Variants in TH observed in about 807,000 individuals in gnomAD.
The protein encoded by TH is tyrosine 3-monooxygenase.
A neutral mutation model predicts 57.4 loss-of-function variants in TH; 49 were observed. The observed-to-expected ratio is 0.85, with a 90% CI of 0.68 to 1.08. The LOEUF (loss-of-function observed/expected upper bound fraction) is 1.08, where lower values mean the gene tolerates loss of function less well. Ranked by LOEUF, TH falls within the 50% of genes least tolerant of loss-of-function variation. The pLI is 0.00. For missense variants in TH, 720 were observed against 696.7 expected, an observed-to-expected ratio of 1.03 and a Z score of -0.38; for synonymous variants, 330 against 304.5, an observed-to-expected ratio of 1.08 and a Z score of -0.87.
At chr11:2,168,026 G>T (rs1846149557) in intron 4 of TH, 65 bp downstream of exon 4, 13 of 1,610,512 alleles carry the variant, frequency 8.1e-6, no homozygotes, top group Non-Finnish European at 1.1e-5. Context: ...TCCTGTCCAG[G>T]GTTGGGCTAA....
Position 2,166,524 on chromosome 11 carries a change from G to T in TH, c.1003C>A (p.His335Asn). Residue 335 changes from histidine (H) to asparagine (N), a missense_variant, in exon 9 of 13, where the codon CAC becomes AAC. Transcript: ENST00000352909. ...GTGCGGTCGGCCAGCATGGGCACGT[G>T]CCCCAGCAGCTCGTGGCAGCAGTCC... ...EPDCCHELLG[H>N]VPMLADRTFA... 1 of 1,601,964 alleles carries T rather than the reference G, an allele frequency of 6.2e-7. No homozygotes were observed. The highest frequency in any genetic ancestry group is 8.5e-7 in the Non-Finnish European group (1 of 1,177,324).
At chr11:2,165,882 G>A in intron 10 of TH, 119 bp from the exon 11 acceptor site, 1 of 1,502,750 alleles carries the variant, frequency 6.7e-7, no homozygotes. Context: ...AGGCAGGCCA[G>A]GGTGAGGGTC....
intron 11 of TH, 104 bp from the exon 12 acceptor site, chr11:2,165,469 C>T: frequency 6.5e-7 from 1 of 1,537,114 alleles, no homozygotes; most frequent in Non-Finnish European, 8.9e-7. Context: ...GTAGAGTCAC[C>T]CCCATCTCCC....
chr11:2,165,512 G>C (rs1218607251), intron 11 of TH, 147 bp from the exon 12 acceptor site: 64 of 1,390,468 alleles, frequency 4.6e-5, no homozygotes, highest in Non-Finnish European at 6.3e-5. Flanking sequence ...GGATAATGTG[G>C]GGTGAGGACT....
Position 2,164,226 on chromosome 11 carries a change from C to T in TH, c.*7G>A, listed in dbSNP as rs542685890. The T allele has an allele frequency of 9.0e-6, 13 of 1,450,702 alleles. No individual in the cohort carries two copies. In the East Asian group the frequency reaches 1.8e-4, roughly 20 times the overall value. 89.9% of individuals were successfully genotyped at this position (1,450,702 alleles called of 1,614,324 possible). ...GGTTGGGAAGGGCCCTCAGGGACGC[C>T]GTGCACCTAGCCAATGGCACTCAGC... On this transcript the variant is annotated 3_prime_UTR_variant, in exon 13 of 13. Coordinates refer to ENST00000352909, the MANE Select transcript of TH (RefSeq NM_000360.4).
chr11:2,167,335 CCT>C, intron 6 of TH, 98 bp downstream of exon 6: 1 of 1,374,550 alleles, frequency 7.3e-7, no homozygotes, highest in Non-Finnish European at 1.0e-6. Context: ...CTTAGTCTCT[CCT>C]GTTGTGCCAA....
Position 2,166,983 on chromosome 11 carries a change from C to T in TH, c.745G>A (p.Gly249Arg), listed in dbSNP as rs749133549. 6.3e-7 allele frequency: 1 copy of T among 1,591,218 alleles called. No homozygotes were observed. The highest frequency in any genetic ancestry group is 1.1e-5 in the South Asian group (1 of 87,594). ...AAAGCAAAGGCCTCCAGGTGCTCCC[C>T]GCAGGCGTGCGTGGCGTAGAGGCCC... ...LKGLYATHACGEHLEAFALLE... is the reference protein window; with the variant it reads ...LKGLYATHACREHLEAFALLE... Residue 249 changes from glycine (G) to arginine (R), a missense_variant, in exon 7 of 13, where the codon GGG (glycine) becomes AGG (arginine). Physicochemically the swap from Gly to Arg is moderately radical, Grantham distance 125 (BLOSUM62 -2). Transcript: ENST00000352909.
At chr11:2,165,176 C>T (rs1846052152) in intron 12 of TH, 56 bp downstream of exon 12, 1 of 1,612,020 alleles carries the variant, frequency 6.2e-7, no homozygotes, top group East Asian at 2.2e-5. Context: ...GAAGGAAGGC[C>T]TGGCTGGCCC....
chr11:2,168,208 G>C, intron 3 of TH, 29 bp from the exon 4 acceptor site: 3 of 1,607,792 alleles, frequency 1.9e-6, no homozygotes. Context: ...AAGAGATCTT[G>C]GTGAGCTCGG....
rs1846025725 is a variant in TH at position 2,164,405 on chromosome 11, G to T, written c.1335-13C>A. On this transcript the variant is annotated splice_polypyrimidine_tract_variant and intron_variant, in intron 12 of 12. Coordinates refer to ENST00000352909, the MANE Select transcript of TH (RefSeq NM_000360.4). ...TGAGGCATAGCTCCTGGGGAGGAGA[G>T]CGGCAGAGCCCTCGTCAACTGGCGG... 1.3e-6 allele frequency: 2 copies of T among 1,541,754 alleles called. No individual in the cohort carries two copies. The highest frequency in any genetic ancestry group is 2.8e-5 in the African/African-American group (2 of 71,454).
chr11:2,168,227 G>T (rs1314318762), intron 3 of TH, 48 bp from the exon 4 acceptor site: 22 of 1,592,946 alleles, frequency 1.4e-5, no homozygotes, highest in Non-Finnish European at 1.9e-5. Context: ...GGAGCCGTGG[G>T]GCTGTGTCAC....
chr11:2,167,137 G>A, intron 6 of TH, 105 bp from the exon 7 acceptor site: 1 of 1,491,948 alleles, frequency 6.7e-7, no homozygotes. Context: ...TACCAACGCA[G>A]GCCTCTTGGG....
intron 9 of TH, 172 bp from the exon 10 acceptor site, chr11:2,166,230 G>A (rs1846086360): frequency 3.4e-6 from 3 of 889,516 alleles, no homozygotes; most frequent in African/African-American, 1.7e-5. Flanking sequence ...CCTCCTCCAG[G>A]CAGCCCTCCT....
At position 2,166,698 on chromosome 11, in the gene TH, G is replaced by T; in HGVS notation, c.912C>A (p.Ala304=). The change falls in exon 8 of 13, where the codon GCC becomes GCA. Residue 304 remains alanine, a synonymous_variant. Coordinates refer to ENST00000352909, the MANE Select transcript of TH (RefSeq NM_000360.4). The part of the protein sequence containing the change: ...LSARDFLASL[A]FRVFQCTQYI... ...ACTGGGTGCACTGGAACACGCGGAA[G>T]GCCAGGCTGGCCAGGAAGTCCCGGG... 6.4e-7 allele frequency: 1 copy of T among 1,554,568 alleles called. No homozygotes were observed. The highest frequency in any genetic ancestry group is 1.2e-5 in the South Asian group (1 of 84,416).
Position 2,169,859 on chromosome 11 carries a change from T to C in TH, c.103A>G (p.Ile35Val), listed in dbSNP as rs1327969151. The C allele has an allele frequency of 6.2e-7, 1 of 1,609,722 alleles. No homozygotes were observed. The highest frequency in any genetic ancestry group is 1.1e-5 in the South Asian group (1 of 90,918). ...QAEAIMSPRF[I>V]GRRQSLIEDA... ...TCGATGAGGCTCTGCCTGCGCCCAA[T>C]GAACCGCGGGGACTGTGGGGACAAG... The change falls in exon 2 of 13, where the codon ATT becomes GTT. Residue 35 changes from isoleucine to valine, a missense_variant. By Grantham distance (29) the Ile-to-Val change is conservative. Transcript: ENST00000352909.
chr11:2,167,809 A>T, intron 5 of TH, 57 bp downstream of exon 5: 1 of 1,510,226 alleles, frequency 6.6e-7, no homozygotes, highest in Non-Finnish European at 9.0e-7. Context: ...CCCACCCCCC[A>T]GGTCCAGCGT....
chr11:2,169,054 C>T (rs1846183137), intron 2 of TH, among the ~76,000 whole-genome samples: 1 of 152,150 alleles, frequency 6.6e-6, no homozygotes, highest in Non-Finnish European at 1.5e-5. Flanking sequence ...TCTCACTGGC[C>T]CCTGAGCGTC....
Position 2,171,709 on chromosome 11 carries a change from T to C in TH, c.78A>G (p.Ala26=), listed in dbSNP as rs2133704085. 4 of 1,612,470 alleles carry C rather than the reference T, an allele frequency of 2.5e-6. No individual in the cohort carries two copies. The highest frequency in any genetic ancestry group is 1.7e-4 in the Middle Eastern group (1 of 5,742). The change falls in exon 1 of 13, where the codon GCA becomes GCG. Residue 26 remains alanine, a synonymous_variant. Coordinates refer to ENST00000352909, the MANE Select transcript of TH (RefSeq NM_000360.4). This position sits in a 1 kb window ranked among gnomAD's most constrained non-coding sequence, Gnocchi z 8.6. ...CCTGCCCTCTTACCATGATGGCCTC[T>C]GCCTGCTTGGCGTCCAGCTCAGACA... ...RAVSELDAKQ[A]EAIMSPRFIG...
chr11:2,165,440 C>T lies in TH; in HGVS notation c.1201-75G>A, dbSNP rs116831738. 1,292 of 1,595,756 alleles carry T rather than the reference C, an allele frequency of 8.1e-4. 8 individuals are homozygous for T. The African/African-American group carries it at 0.015, about 19-fold the overall frequency. ...AGGGAACTGGGGCACCGTGGCCTGA[C>T]GCTGGGTGGGTTCCTTGGGTAGAGT... On this transcript the variant is annotated intron_variant, in intron 11 of 12. Coordinates refer to ENST00000352909, the MANE Select transcript of TH (RefSeq NM_000360.4).
Sources: allele counts gnomAD v4.1 joint callset (sites outside exome capture counted in the v4.1 genomes callset), GRCh38; gene constraint gnomAD v4.1.1; non-coding constraint Gnocchi (gnomAD v3.1); transcripts MANE v1.5; gene names NCBI Gene and HGNC (gene_info 2026-07-23, HGNC 2026-07-21).